The following IGLL5 variants were observed in gnomAD, a reference collection of about 807,000 sequenced individuals.
IGLL5 encodes immunoglobulin lambda-like polypeptide 5.
IGLL5 carries 30 observed loss-of-function variants against 20.9 expected under a neutral mutation model. That is an observed-to-expected ratio of 1.44 (90% CI 1.07 to 1.95). The LOEUF is 1.95. IGLL5 is among the 30% of genes most tolerant of loss of function. The pLI, the probability that IGLL5 is intolerant of heterozygous loss-of-function variation, is 0.00. For missense variants in IGLL5, 475 were observed against 270.7 expected, an observed-to-expected ratio of 1.75 and a Z score of -5.30; for synonymous variants, 203 against 117.3, an observed-to-expected ratio of 1.73 and a Z score of -4.72.
At chr22:22,888,706 T>C (rs2067634994) in intron 1 of IGLL5, among the ~76,000 whole-genome samples, 3 of 151,274 alleles carry the variant, frequency 2.0e-5, no homozygotes, top group East Asian at 2.0e-4. Context: ...CAGCAAGGGC[T>C]TGGTTTGGTC....
intron 1 of IGLL5, among the ~76,000 whole-genome samples, chr22:22,889,077 A>G (rs554863482): frequency 3.3e-5 from 5 of 151,278 alleles, no homozygotes; most frequent in East Asian, 2.0e-4. Context: ...GGATTTAGGT[A>G]GATTGATTAT....
intron 1 of IGLL5, among the ~76,000 whole-genome samples, chr22:22,892,233 A>G: frequency 6.6e-6 from 1 of 151,326 alleles, no homozygotes; most frequent in East Asian, 2.0e-4. Context: ...TTGAATTTAT[A>G]TTACTATTAT....
rs569825654 is a variant in IGLL5 at position 22,888,356 on chromosome 22, T to G, written c.206+97T>G. On this transcript the variant is annotated intron_variant, in intron 1 of 2. Coordinates refer to ENST00000526893, the MANE Select transcript of IGLL5 (RefSeq NM_001178126.2). Reference sequence around the variant, plus strand: ...CAAGCCAGAGGAGTGAGGAGGAAGGTTAACCCCTAAGAGGGGCCTGGGCTG... The same window carrying G: ...CAAGCCAGAGGAGTGAGGAGGAAGGGTAACCCCTAAGAGGGGCCTGGGCTG... The G allele has an allele frequency of 8.6e-6, 10 of 1,167,602 alleles. 1 individual carries two copies. The highest frequency in any genetic ancestry group is 6.2e-5 in the African/African-American group (4 of 64,456). 72.3% of individuals were successfully genotyped at this position (1,167,602 alleles called of 1,614,324 possible).
In IGLL5 at chr22:22,889,027, G is replaced by A. The variant is rs570472635; in HGVS notation, c.206+768G>A. On this transcript the variant is annotated intron_variant, in intron 1 of 2. Coordinates refer to ENST00000526893, the MANE Select transcript of IGLL5 (RefSeq NM_001178126.2). Reference sequence around the variant, plus strand: ...GGAAGGGGAGGCAAGAAGACCATAGGGTCCGTGCACCATTCCCAGTCCAGG... The same window carrying A: ...GGAAGGGGAGGCAAGAAGACCATAGAGTCCGTGCACCATTCCCAGTCCAGG... Among the ~76,000 whole-genome samples, 6 of 151,392 alleles carry A rather than the reference G, an allele frequency of 4.0e-5. No homozygotes were observed. In the South Asian group the frequency reaches 6.3e-4, roughly 16 times the overall value.
intron 2 of IGLL5, among the ~76,000 whole-genome samples, 167 bp downstream of exon 2, chr22:22,893,985 CAGGAAGG>C: frequency 6.6e-6 from 1 of 151,082 alleles, no homozygotes; most frequent in African/African-American, 2.4e-5. Flanking sequence ...GGGTAACCGG[CAGGAAGG>C]GCCTCCACAG....
rs1370945224 is a variant in IGLL5 at position 22,888,140 on chromosome 22, G to C, written c.87G>C (p.Leu29=). 6.5e-7 allele frequency: 1 copy of C among 1,549,784 alleles called. No individual in the cohort carries two copies. Among genetic ancestry groups the C allele is most frequent in the Admixed American group, 2.0e-5 (1 of 50,850 alleles). ...GPRQRWPLLL[L]GLAMVAHGLL... ...GGCAGCGCTGGCCCCTGCTGCTGCT[G>C]GGTCTGGCCATGGTCGCCCATGGCC... Residue 29 remains leucine, a synonymous_variant, in exon 1 of 3, where the codon CTG becomes CTC. Transcript: ENST00000526893.
intron 1 of IGLL5, among the ~76,000 whole-genome samples, chr22:22,890,637 A>C: frequency 6.7e-6 from 1 of 149,904 alleles, no homozygotes; most frequent in East Asian, 2.1e-4. Context: ...TCCCCAGGAT[A>C]GATGCCTAAA....
intron 2 of IGLL5, among the ~76,000 whole-genome samples, chr22:22,894,290 CACG>C: frequency 6.6e-6 from 1 of 151,176 alleles, no homozygotes; most frequent in South Asian, 2.1e-4. Flanking sequence ...GGGAGGGCCA[CACG>C]GCCTGGTGAC....
At chr22:22,890,406 T>G in intron 1 of IGLL5, among the ~76,000 whole-genome samples, 1 of 150,494 alleles carries the variant, frequency 6.6e-6, no homozygotes, top group East Asian at 2.1e-4. Flanking sequence ...TACCAACTTT[T>G]AATCTATTAT....
intron 2 of IGLL5, among the ~76,000 whole-genome samples, chr22:22,894,854 G>A (rs190839110): frequency 6.6e-6 from 1 of 151,308 alleles, no homozygotes; most frequent in Admixed American, 6.6e-5. Context: ...CTGGGCTGGG[G>A]CAGAGCCCGG....
intron 1 of IGLL5, 63 bp downstream of exon 1, chr22:22,888,322 A>T (rs539696196): frequency 2.0e-6 from 3 of 1,468,350 alleles, no homozygotes; most frequent in East Asian, 2.5e-5. Flanking sequence ...AAGGGTGACC[A>T]AGGGGAGACA....
In IGLL5 at chr22:22,895,982, T is replaced by C. The variant is rs2066758762; in HGVS notation, c.*288T>C. 10 of 555,634 alleles carry C rather than the reference T, an allele frequency of 1.8e-5. 1 individual carries two copies. Among genetic ancestry groups the C allele is most frequent in the African/African-American group, 5.7e-5 (3 of 52,950 alleles). The allele number at this position is 555,634 out of a possible 1,614,324, so 34.4% of individuals were successfully genotyped here. Reference sequence around the variant, plus strand: ...CCTGAGTCATCTCCCCAGAGGGTCCTTCCTCTCCCAGTCACCCCTTCTCCA... The same window carrying C: ...CCTGAGTCATCTCCCCAGAGGGTCCCTCCTCTCCCAGTCACCCCTTCTCCA... On this transcript the variant is annotated 3_prime_UTR_variant, in exon 3 of 3. Transcript: ENST00000526893.
At chr22:22,894,331 T>C (rs1330475597) in intron 2 of IGLL5, among the ~76,000 whole-genome samples, 3 of 151,230 alleles carry the variant, frequency 2.0e-5, no homozygotes, top group East Asian at 2.0e-4. Flanking sequence ...GGGAGACCAA[T>C]GGAGGGCACA....
At chr22:22,888,375 TG>T in intron 1 of IGLL5, 116 bp downstream of exon 1, 1 of 878,266 alleles carries the variant, frequency 1.1e-6, no homozygotes, top group South Asian at 1.7e-5. Context: ...AAGAGGGGCC[TG>T]GGCTGACACT....
At chr22:22,894,281 G>T (rs2068010677) in intron 2 of IGLL5, among the ~76,000 whole-genome samples, 1 of 151,174 alleles carries the variant, frequency 6.6e-6, no homozygotes, top group African/African-American at 2.4e-5. Flanking sequence ...ATCCAGCCTG[G>T]GAGGGCCACA....
At chr22:22,892,026 T>G (rs532478166) in intron 1 of IGLL5, among the ~76,000 whole-genome samples, 1 of 151,342 alleles carries the variant, frequency 6.6e-6, no homozygotes, top group South Asian at 2.1e-4. Context: ...TTTCATTGGC[T>G]GGAATCTATA....
At chr22:22,890,766 T>G (rs948037256) in intron 1 of IGLL5, among the ~76,000 whole-genome samples, 1 of 151,112 alleles carries the variant, frequency 6.6e-6, no homozygotes, top group Non-Finnish European at 1.5e-5. Flanking sequence ...TTCTTACCAA[T>G]AATGCAAAAT....
Position 22,888,014 on chromosome 22 carries a change from C to G in IGLL5, c.-40C>G, listed in dbSNP as rs145696836. 10 of 1,503,386 alleles carry G rather than the reference C, an allele frequency of 6.7e-6. No individual in the cohort carries two copies. The highest frequency in any genetic ancestry group is 2.5e-5 in the East Asian group (1 of 40,400). The allele number at this position is 1,503,386 out of a possible 1,614,324, so 93.1% of individuals were successfully genotyped here. A position where few individuals can be genotyped will look rare whatever the true frequency, so the allele number is the denominator to read the frequency against. On this transcript the variant is annotated 5_prime_UTR_variant, in exon 1 of 3. Coordinates refer to ENST00000526893, the MANE Select transcript of IGLL5 (RefSeq NM_001178126.2). ...GGCACCGTCCTCCAGGGAGCCCATG[C>G]TGCAAGTCGGGCCAGAGGTGCCCCT...
intron 1 of IGLL5, among the ~76,000 whole-genome samples, chr22:22,889,000 T>G (rs2067674504): frequency 1.3e-5 from 2 of 151,260 alleles, no homozygotes; most frequent in South Asian, 4.2e-4. Flanking sequence ...CCTGGGTGAC[T>G]GGGAAGGGGA....
Sources: allele counts gnomAD v4.1 joint callset (sites outside exome capture counted in the v4.1 genomes callset), GRCh38; gene constraint gnomAD v4.1.1; transcripts MANE v1.5; gene names NCBI Gene and HGNC (gene_info 2026-07-23, HGNC 2026-07-21).